FAM222B: variants seen among roughly 807,000 people sequenced by gnomAD.
The protein encoded by FAM222B is family with sequence similarity 222 member B.
A neutral mutation model predicts 38.0 loss-of-function variants in FAM222B; 12 were observed. The observed-to-expected ratio is 0.32, with a 90% CI of 0.20 to 0.51. The LOEUF (loss-of-function observed/expected upper bound fraction) is 0.51, where lower values mean the gene tolerates loss of function less well. FAM222B is among the 20% of genes least tolerant of loss of function. The pLI is 0.97. For synonymous variants in FAM222B, 329 were observed against 317.2 expected, an observed-to-expected ratio of 1.04 and a Z score of -0.40; for missense variants, 716 against 754.2, an observed-to-expected ratio of 0.95 and a Z score of 0.59.
At chr17:28,801,225 G>A (rs1262287190) in intron 1 of FAM222B, among the ~76,000 whole-genome samples, 68 of 147,812 alleles carry the variant, frequency 4.6e-4, no homozygotes, top group African/African-American at 1.5e-3. Flanking sequence ...AGGCCAAGGC[G>A]GGCGGATCAC....
intron 1 of FAM222B, among the ~76,000 whole-genome samples, chr17:28,830,263 G>A (rs1202142670): frequency 6.7e-6 from 1 of 149,654 alleles, no homozygotes; most frequent in Non-Finnish European, 1.5e-5. Context: ...CCAGGTTTAC[G>A]CCATTCTCCT....
In FAM222B at chr17:28,790,884, CTTTTTTTTT is replaced by C. The variant is rs60664262; in HGVS notation, c.-40-24186_-40-24178del. 1.8e-3 allele frequency among the ~76,000 whole-genome samples: 152 copies of C among 86,090 alleles called. 11 individuals are homozygous for C. Among genetic ancestry groups the C allele is most frequent in the South Asian group, 3.1e-3 (9 of 2,904 alleles). 56.5% of individuals were successfully genotyped at this position (86,090 alleles called of 152,430 possible). A position where few individuals can be genotyped will look rare whatever the true frequency, so the allele number is the denominator to read the frequency against. On this transcript the variant is annotated intron_variant, in intron 1 of 2. Coordinates refer to ENST00000581407, the MANE Select transcript of FAM222B (RefSeq NM_001077498.3). ...GTTCTATATATTTCAAATTGTTTCACTTTTTTTTTTTTTTTTTTTTTTTTTTTTTTTAGA... is the reference window on the plus strand; with the variant it reads ...GTTCTATATATTTCAAATTGTTTCACTTTTTTTTTTTTTTTTTTTTTTAGA...
chr17:28,767,154 CTTTTATTTTATTT>C (rs1277080234), intron 1 of FAM222B: 2 of 153,120 alleles, frequency 1.3e-5, no homozygotes, highest in African/African-American at 4.8e-5. Flanking sequence ...TATGAACCCA[CTTTTATTTTATTT>C]TTTTTGAGAC....
chr17:28,854,104 C>T (rs1353850044), intron 1 of FAM222B, among the ~76,000 whole-genome samples: 1 of 152,050 alleles, frequency 6.6e-6, no homozygotes, highest in East Asian at 1.9e-4. Context: ...CCACCACGCC[C>T]GGCTAATTTT....
chr17:28,803,148 A>T (rs2151906412), intron 1 of FAM222B, among the ~76,000 whole-genome samples: 1 of 152,062 alleles, frequency 6.6e-6, no homozygotes, highest in East Asian at 1.9e-4. Context: ...AACTGGGATT[A>T]CAGGTGCATG....
intron 1 of FAM222B, chr17:28,834,577 CTCTT>C (rs774806659): frequency 1.2e-4 from 18 of 152,134 alleles, no homozygotes; most frequent in Non-Finnish European, 2.2e-4. Context: ...ACCCAACTGA[CTCTT>C]TCTCTAGGAA....
chr17:28,791,112 G>A (rs1312076628), intron 1 of FAM222B, among the ~76,000 whole-genome samples: 1 of 151,234 alleles, frequency 6.6e-6, no homozygotes, highest in Non-Finnish European at 1.5e-5. Context: ...GGGTTTCACT[G>A]GGCTAGCCAG....
chr17:28,766,347 G>A (rs966045851), intron 2 of FAM222B, among the ~76,000 whole-genome samples: 1 of 152,014 alleles, frequency 6.6e-6, no homozygotes, highest in African/African-American at 2.4e-5. Context: ...CCAGCTACTC[G>A]GGAGGCTGAA....
intron 1 of FAM222B, among the ~76,000 whole-genome samples, chr17:28,818,199 C>CA (rs1455459510): frequency 6.6e-6 from 1 of 151,650 alleles, no homozygotes; most frequent in Non-Finnish European, 1.5e-5. Context: ...CACAGCACTC[C>CA]AAGCCTCAGT....
chr17:28,828,581 C>A (rs1392133773), intron 1 of FAM222B, among the ~76,000 whole-genome samples: 80 of 144,094 alleles, frequency 5.6e-4, no homozygotes, highest in South Asian at 9.0e-4. Flanking sequence ...AAAAAAAAAA[C>A]AAAAAACATA....
At chr17:28,790,489 C>G (rs1001042728) in intron 1 of FAM222B, 3 of 152,172 alleles carry the variant, frequency 2.0e-5, no homozygotes, top group African/African-American at 7.2e-5. Context: ...AATTGAGGGA[C>G]TTTCTACAAA....
At chr17:28,805,650 CAA>C (rs941580738) in intron 1 of FAM222B, among the ~76,000 whole-genome samples, 3 of 140,890 alleles carry the variant, frequency 2.1e-5, no homozygotes, top group South Asian at 2.2e-4. Context: ...GAACCTGTCT[CAA>C]AAAAAAAAAG....
chr17:28,800,688 G>T (rs938707125), intron 1 of FAM222B, among the ~76,000 whole-genome samples: 1 of 152,004 alleles, frequency 6.6e-6, no homozygotes, highest in Non-Finnish European at 1.5e-5. Context: ...CTGGAGAAAA[G>T]TTCTAACACA....
intron 1 of FAM222B, among the ~76,000 whole-genome samples, chr17:28,793,908 G>C (rs1380935916): frequency 6.6e-6 from 1 of 151,904 alleles, no homozygotes; most frequent in Non-Finnish European, 1.5e-5. Context: ...ACCACGCCAG[G>C]CTAATTTTTT....
intron 1 of FAM222B, among the ~76,000 whole-genome samples, chr17:28,804,900 G>C (rs557033536): frequency 7.9e-5 from 12 of 151,662 alleles, no homozygotes; most frequent in Admixed American, 3.9e-4. Context: ...AACAAAATTA[G>C]CCAGGCGTGG....
intron 1 of FAM222B, among the ~76,000 whole-genome samples, chr17:28,809,002 C>CT: frequency 6.6e-6 from 1 of 152,232 alleles, no homozygotes; most frequent in South Asian, 2.1e-4. Flanking sequence ...TCGAGTCTCC[C>CT]TTTAGAGAGA....
upstream of FAM222B, chr17:28,842,917 G>A (rs975828623): frequency 1.3e-5 from 2 of 152,378 alleles, no homozygotes; most frequent in Non-Finnish European, 2.9e-5. Context: ...TGGGTCTCTA[G>A]TGGACATGGG....
intron 1 of FAM222B, among the ~76,000 whole-genome samples, chr17:28,830,460 T>C (rs747925441): frequency 2.0e-5 from 3 of 152,060 alleles, no homozygotes; most frequent in Non-Finnish European, 2.9e-5. Flanking sequence ...ACACCCGGCC[T>C]ATACATTCTT....
chr17:28,852,259 C>T lies in FAM222B; in HGVS notation c.-41+2691G>A, dbSNP rs189955551. Among the ~76,000 whole-genome samples, 405 of 151,722 alleles carry T rather than the reference C, an allele frequency of 2.7e-3. 6 individuals are homozygous for T. The highest frequency in any genetic ancestry group is 4.1e-3 in the Non-Finnish European group (280 of 67,862). On this transcript the variant is annotated intron_variant, in intron 1 of 2. Coordinates refer to the FAM222B transcript ENST00000577513. ...GTGGGCGCCTGCAGTCTCAGCTACT[C>T]GGGAGGCTGAGGCAGGAGAATGGCC...
Sources: allele counts gnomAD v4.1 joint callset (sites outside exome capture counted in the v4.1 genomes callset), GRCh38; gene constraint gnomAD v4.1.1; transcripts MANE v1.5; gene names NCBI Gene and HGNC (gene_info 2026-07-23, HGNC 2026-07-21).